The following GPRIN2 variants were observed in gnomAD, a reference collection of about 807,000 sequenced individuals.
GPRIN2 encodes the protein G protein-regulated inducer of neurite outgrowth 2.
GPRIN2 carries 1 observed loss-of-function variant against 0.3 expected under a neutral mutation model. The ratio of observed to expected loss-of-function variants is 3.90; its 90% CI spans 1.39 to 18.51. The LOEUF (loss-of-function observed/expected upper bound fraction) is 18.51, where lower values mean the gene tolerates loss of function less well. Among genes scored for constraint, GPRIN2 ranks in the 30% most tolerant of loss-of-function variants. GPRIN2 has a pLI of 0.11. For synonymous variants in GPRIN2, 361 were observed against 258.6 expected, an observed-to-expected ratio of 1.40 and a Z score of -3.80; for missense variants, 880 against 604.2, an observed-to-expected ratio of 1.46 and a Z score of -4.79.
In GPRIN2 at chr10:46,546,998, A is replaced by C. The variant is rs1287909781; in HGVS notation, c.*2362T>G. Among the ~76,000 whole-genome samples the C allele has an allele frequency of 1.3e-5, 2 of 152,312 alleles. No homozygotes were observed. Among genetic ancestry groups the C allele is most frequent in the Non-Finnish European group, 2.9e-5 (2 of 68,058 alleles). ...AGTGGCACCCAGCCAGCGTGAATGC[A>C]TAAGAATCTGCACGTGACACAGAAG... On this transcript the variant is annotated 3_prime_UTR_variant, in exon 3 of 3. Coordinates refer to ENST00000374314, the MANE Select transcript of GPRIN2 (RefSeq NM_001385282.1).
chr10:46,554,398 G>T (rs1842942931), intron 2 of GPRIN2, among the ~76,000 whole-genome samples, 187 bp downstream of exon 2: 1 of 152,304 alleles, frequency 6.6e-6, no homozygotes, highest in African/African-American at 2.4e-5. Flanking sequence ...TAACCTAGGA[G>T]GCTACGCATG....
At chr10:46,557,305 C>T (rs1433552036), upstream of GPRIN2, among the ~76,000 whole-genome samples, 1 of 152,306 alleles carries the variant, frequency 6.6e-6, no homozygotes, top group Admixed American at 6.5e-5. Context: ...AAACCTCACT[C>T]CAGTCCTTTG....
chr10:46,551,938 G>A (rs982292393), intron 2 of GPRIN2, among the ~76,000 whole-genome samples: 17 of 152,428 alleles, frequency 1.1e-4, no homozygotes, highest in Admixed American at 6.5e-4. Flanking sequence ...GCTCCCCTCT[G>A]GCTGTCCAAC....
rs1300489506 is a variant in GPRIN2, at chr10:46,542,217, G to A, written c.*7143C>T. On this transcript the variant is annotated 3_prime_UTR_variant, in exon 3 of 3. Transcript: ENST00000374314. ...GGGCAGCAACAGGGAACAAATCTGA[G>A]TGGAGGGGAGAATTCTACCCCTCCC... 6.6e-6 allele frequency among the ~76,000 whole-genome samples: 1 copy of A among 152,308 alleles called. No individual in the cohort carries two copies. Among genetic ancestry groups the A allele is most frequent in the East Asian group, 1.9e-4 (1 of 5,208 alleles).
At chr10:46,553,201 G>T (rs1842809110) in intron 2 of GPRIN2, among the ~76,000 whole-genome samples, 2 of 152,310 alleles carry the variant, frequency 1.3e-5, no homozygotes, top group African/African-American at 4.8e-5. Flanking sequence ...CGAGCACTGA[G>T]CAGGCCTATG....
intron 2 of GPRIN2, among the ~76,000 whole-genome samples, chr10:46,554,227 G>A (rs1363867409): frequency 6.6e-6 from 1 of 152,308 alleles, no homozygotes; most frequent in Admixed American, 6.5e-5. Flanking sequence ...AGTACTGGGG[G>A]CCAGAGAGGC....
At chr10:46,552,087 A>G (rs1832145111) in intron 2 of GPRIN2, among the ~76,000 whole-genome samples, 127,914 of 152,178 alleles carry the variant, frequency 0.84, 51,828 homozygotes, top group East Asian at 0.95. Context: ...GGAGGGCACC[A>G]CCAAGGCAGG....
rs1188578533 is a variant in GPRIN2, at chr10:46,548,322, C to A, written c.*1038G>T. 1.6e-4 allele frequency among the ~76,000 whole-genome samples: 25 copies of A among 152,296 alleles called. No homozygotes were observed. Among genetic ancestry groups the A allele is most frequent in the Non-Finnish European group, 3.5e-4 (24 of 68,052 alleles). On this transcript the variant is annotated 3_prime_UTR_variant, in exon 3 of 3. Coordinates refer to ENST00000374314, the MANE Select transcript of GPRIN2 (RefSeq NM_001385282.1). The stretch of plus-strand genomic sequence containing the variant: ...TCAGGTCATGTGGGCAAGCGAGCCC[C>A]CACAGCCTCACAGCCCCTACCCCAG...
At position 46,546,990 on chromosome 10, in the gene GPRIN2, G is replaced by A. The variant is rs1832873042; in HGVS notation, c.*2370C>T. Among the ~76,000 whole-genome samples the A allele has an allele frequency of 7.0e-4, 106 of 152,354 alleles. No individual in the cohort carries two copies. Among genetic ancestry groups the A allele is most frequent in the African/African-American group, 2.2e-3 (92 of 41,542 alleles). ...TAGCACAGAGTGGCACCCAGCCAGC[G>A]TGAATGCATAAGAATCTGCACGTGA... On this transcript the variant is annotated 3_prime_UTR_variant, in exon 3 of 3. Coordinates refer to ENST00000374314, the MANE Select transcript of GPRIN2 (RefSeq NM_001385282.1).
At chr10:46,554,173 C>T (rs1219242810) in intron 2 of GPRIN2, among the ~76,000 whole-genome samples, 1 of 152,300 alleles carries the variant, frequency 6.6e-6, no homozygotes, top group Non-Finnish European at 1.5e-5. Flanking sequence ...CTTCTCTTTC[C>T]CCTCCCATCA....
chr10:46,555,826 C>G (rs1298479705), intron 1 of GPRIN2, among the ~76,000 whole-genome samples: 1 of 152,312 alleles, frequency 6.6e-6, no homozygotes, highest in Non-Finnish European at 1.5e-5. Context: ...CGCTCACAAG[C>G]ACTCATGCCC....
rs1832388784 is a variant in GPRIN2, at chr10:46,550,383, C to T, written c.354G>A (p.Gln118=). Reference sequence around the variant, plus strand: ...TACGGACCAGGTCTGAATGGCTCCTCTGCATAGCAGCAGCACTAGGGGCCC... The same window carrying T: ...TACGGACCAGGTCTGAATGGCTCCTTTGCATAGCAGCAGCACTAGGGGCCC... The part of the protein sequence containing the change: ...RLRAPSAAAM[Q]RSHSDLVRST... Residue 118 remains glutamine (Q), a synonymous_variant, in exon 3 of 3, where the codon CAG becomes CAA. Transcript: ENST00000374314. The T allele has an allele frequency of 2.7e-5, 44 of 1,612,106 alleles. No individual in the cohort carries two copies. The highest frequency in any genetic ancestry group is 3.6e-5 in the Non-Finnish European group (43 of 1,179,668).
In GPRIN2 at chr10:46,542,267, C is replaced by T. The variant is rs1245981773; in HGVS notation, c.*7093G>A. Among the ~76,000 whole-genome samples, 3 of 152,308 alleles carry T rather than the reference C, an allele frequency of 2.0e-5. No individual in the cohort carries two copies. The East Asian group carries it at 5.8e-4, about 29-fold the overall frequency. ...CAGGGTTCCAGCCCCAACAGAGGCT[C>T]CCTGCTTGGGCCTTGCTCAGGCCTG... On this transcript the variant is annotated 3_prime_UTR_variant, in exon 3 of 3. Coordinates refer to ENST00000374314, the MANE Select transcript of GPRIN2 (RefSeq NM_001385282.1).
At chr10:46,551,283 A>C (rs1832201292) in intron 2 of GPRIN2, 1 of 593,922 alleles carries the variant, frequency 1.7e-6, no homozygotes, top group Non-Finnish European at 2.1e-6. Context: ...GTGGGAGCTC[A>C]GAGAAAGTTC....
chr10:46,556,034 C>T (rs1732731996), intron 1 of GPRIN2, among the ~76,000 whole-genome samples: 2 of 152,428 alleles, frequency 1.3e-5, no homozygotes, highest in East Asian at 3.8e-4. Flanking sequence ...TCAATACGGG[C>T]CCGAAACGAG....
At chr10:46,557,002 C>CTCG, upstream of GPRIN2, among the ~76,000 whole-genome samples, 1 of 152,200 alleles carries the variant, frequency 6.6e-6, no homozygotes, top group Non-Finnish European at 1.5e-5. Context: ...AGTCCACCTC[C>CTCG]TCGTAGCCCC....
At position 46,543,931 on chromosome 10, in the gene GPRIN2, C is replaced by A. The variant is rs1841935251; in HGVS notation, c.*5429G>T. Among the ~76,000 whole-genome samples, 1 of 152,220 alleles carries A rather than the reference C, an allele frequency of 6.6e-6. No homozygotes were observed. Among genetic ancestry groups the A allele is most frequent in the African/African-American group, 2.4e-5 (1 of 41,446 alleles). ...TCAGACCCCACCACCCATCCCCAAT[C>A]CTATGGGCCCACGTCACTTTGGTTT... is the stretch of plus-strand genomic sequence containing the variant. On this transcript the variant is annotated 3_prime_UTR_variant, in exon 3 of 3. Transcript: ENST00000374314.
intron 2 of GPRIN2, among the ~76,000 whole-genome samples, chr10:46,553,966 A>G (rs1842891868): frequency 6.6e-6 from 1 of 152,308 alleles, no homozygotes. Context: ...AGGGGTGAGG[A>G]GGAAGGGGCA....
At chr10:46,550,881 T>G in intron 2 of GPRIN2, 139 bp from the exon 3 acceptor site, 3 of 916,088 alleles carry the variant, frequency 3.3e-6, no homozygotes, top group Admixed American at 5.8e-5. Context: ...CAGAACCATA[T>G]GCAAGGCAGT....
Sources: gnomAD v4.1 joint callset for allele counts (sites outside exome capture counted in the v4.1 genomes callset) on GRCh38, gnomAD v4.1.1 for gene constraint, MANE v1.5 for transcripts, NCBI Gene and HGNC (gene_info 2026-07-23, HGNC 2026-07-21) for gene names.